Variants in NRXN3 observed in about 807,000 individuals in gnomAD.
NRXN3 encodes neurexin 3, also known as neurexin III.
Under a neutral mutation model 137.6 loss-of-function variants are expected in NRXN3, and 32 were observed. That is an observed-to-expected ratio of 0.23 (90% CI 0.18 to 0.31). The LOEUF (loss-of-function observed/expected upper bound fraction) is 0.31. NRXN3 is among the 10% of genes least tolerant of loss of function. The probability of loss-of-function intolerance (pLI) is 1.00; values close to 1 mark genes in which losing one functional copy is unlikely to be tolerated. For missense variants in NRXN3, 1,574 were observed against 2,062.5 expected (o/e 0.76, Z 4.59); for synonymous variants, 798 against 784.5 (o/e 1.02, Z -0.29).
At chr14:78,215,614 G>T (rs1483790060) in intron 1 of NRXN3, among the ~76,000 whole-genome samples, 2 of 152,150 alleles carry the variant, frequency 1.3e-5, no homozygotes, top group Non-Finnish European at 2.9e-5. Flanking sequence ...CATTCTGGAG[G>T]TCTTTATAAA....
intron 16 of NRXN3, among the ~76,000 whole-genome samples, chr14:79,595,909 T>C (rs1189157987): frequency 6.6e-6 from 1 of 152,226 alleles, no homozygotes. Context: ...TATTTCTCTA[T>C]GGCTTCATAA....
intron 15 of NRXN3, among the ~76,000 whole-genome samples, chr14:79,112,911 T>A (rs2053792967): frequency 6.6e-6 from 1 of 152,102 alleles, no homozygotes; most frequent in African/African-American, 2.4e-5. Flanking sequence ...TTAGGCAAAG[T>A]TTAAAGTTGA....
At chr14:79,395,781 G>A (rs1471521239) in intron 15 of NRXN3, among the ~76,000 whole-genome samples, 2 of 147,468 alleles carry the variant, frequency 1.4e-5, no homozygotes, top group African/African-American at 5.0e-5. Flanking sequence ...TGCACTCCCC[G>A]CTGGGTGACA....
chr14:79,316,724 C>T (rs1433400748), intron 15 of NRXN3, among the ~76,000 whole-genome samples: 1 of 120,972 alleles, frequency 8.3e-6, no homozygotes, highest in East Asian at 2.2e-4. Context: ...GTAATCTGTC[C>T]TGTCCCTCTC....
At chr14:78,579,044 A>C (rs2096965271) in intron 4 of NRXN3, among the ~76,000 whole-genome samples, 1 of 152,114 alleles carries the variant, frequency 6.6e-6, no homozygotes, top group Admixed American at 6.5e-5. Flanking sequence ...AGAGACTTTC[A>C]GCTAGAGAGG....
intron 8 of NRXN3, chr14:78,745,282 A>G (rs1337776612): frequency 6.6e-6 from 1 of 152,332 alleles, no homozygotes; most frequent in African/African-American, 2.4e-5. Context: ...CCTGGTCAAT[A>G]GCACCAGAAT....
chr14:79,270,301 C>T (rs1245202136), intron 15 of NRXN3, among the ~76,000 whole-genome samples: 1 of 152,106 alleles, frequency 6.6e-6, no homozygotes, highest in Non-Finnish European at 1.5e-5. Flanking sequence ...GAGGTTCCCC[C>T]ACCACACACA....
intron 15 of NRXN3, among the ~76,000 whole-genome samples, chr14:79,054,039 T>G (rs1020732238): frequency 2.7e-5 from 4 of 150,106 alleles, no homozygotes; most frequent in Non-Finnish European, 4.4e-5. Flanking sequence ...AAACCATCAT[T>G]CTCAGCAAAC....
At chr14:79,200,555 C>T (rs1288730998) in intron 15 of NRXN3, among the ~76,000 whole-genome samples, 2 of 152,044 alleles carry the variant, frequency 1.3e-5, no homozygotes, top group Non-Finnish European at 2.9e-5. Flanking sequence ...AGAAAAGGAG[C>T]CCTAAAGGTC....
intron 4 of NRXN3, among the ~76,000 whole-genome samples, chr14:78,430,574 C>G (rs1422757411): frequency 1.3e-5 from 2 of 152,156 alleles, no homozygotes; most frequent in African/African-American, 4.8e-5. Context: ...ATCTTGTTTC[C>G]TCAGATTTAT....
intron 16 of NRXN3, among the ~76,000 whole-genome samples, chr14:79,470,951 A>AGTGTGTGT (rs371413883): frequency 4.3e-5 from 5 of 116,416 alleles, no homozygotes; most frequent in Non-Finnish European, 3.7e-5. Context: ...AGAGAGAGAG[A>AGTGTGTGT]GTGTGTGTGT....
chr14:79,576,647 G>A (rs746028643), intron 16 of NRXN3, among the ~76,000 whole-genome samples: 17 of 152,046 alleles, frequency 1.1e-4, no homozygotes, highest in Admixed American at 4.6e-4. Context: ...TTCAGTCTTC[G>A]TTTTGCTTCC....
chr14:78,832,255 G>A (rs2098984588), intron 10 of NRXN3, among the ~76,000 whole-genome samples: 1 of 152,114 alleles, frequency 6.6e-6, no homozygotes, highest in African/African-American at 2.4e-5. Context: ...CAAGAAGTCT[G>A]CCTAAGATGT....
chr14:79,336,573 C>T (rs1345941106), intron 15 of NRXN3, among the ~76,000 whole-genome samples: 2 of 152,118 alleles, frequency 1.3e-5, no homozygotes, highest in African/African-American at 4.8e-5. Context: ...AATGGCATGG[C>T]CTGTCAGTAT....
At chr14:78,779,171 A>T (rs2098759469) in intron 8 of NRXN3, among the ~76,000 whole-genome samples, 1 of 152,148 alleles carries the variant, frequency 6.6e-6, no homozygotes, top group Non-Finnish European at 1.5e-5. Flanking sequence ...ATTTTAAAAA[A>T]TACATCCTAA....
intron 2 of NRXN3, among the ~76,000 whole-genome samples, chr14:78,248,314 C>CCCCCCCCCCCCCCCCCCCCA (rs71131639): frequency 4.2e-5 from 2 of 47,554 alleles, no homozygotes; most frequent in African/African-American, 1.6e-4. Flanking sequence ...CCCCCCCCCC[C>CCCCCCCCCCCCCCCCCCCCA]CCACCCGCCA....
At chr14:78,561,821 C>T (rs1365411256) in intron 4 of NRXN3, among the ~76,000 whole-genome samples, 1 of 152,134 alleles carries the variant, frequency 6.6e-6, no homozygotes, top group Non-Finnish European at 1.5e-5. Context: ...GTTATTTTGG[C>T]AATTAACGTT....
intron 8 of NRXN3, among the ~76,000 whole-genome samples, chr14:78,742,299 A>C (rs1393345984): frequency 6.6e-6 from 1 of 152,228 alleles, no homozygotes; most frequent in Non-Finnish European, 1.5e-5. Context: ...GTCATATGGC[A>C]GTCACACCAC....
At chr14:78,288,949 A>G (rs1328457706) in intron 3 of NRXN3, among the ~76,000 whole-genome samples, 1 of 152,224 alleles carries the variant, frequency 6.6e-6, no homozygotes, top group Non-Finnish European at 1.5e-5. Context: ...ATATTGGTCT[A>G]GTGGCAAACA....
Sources: allele counts gnomAD v4.1 joint callset (sites outside exome capture counted in the v4.1 genomes callset), GRCh38; gene constraint gnomAD v4.1.1; transcripts MANE v1.5; gene names NCBI Gene and HGNC (gene_info 2026-07-23, HGNC 2026-07-21).